Variants in RESF1 observed in about 807,000 individuals in gnomAD.
The protein encoded by RESF1 is gonad expressed transcript.
RESF1 carries 65 observed loss-of-function variants against 134.7 expected under a neutral mutation model. The observed-to-expected ratio is 0.48, with a 90% CI of 0.40 to 0.59. The LOEUF (loss-of-function observed/expected upper bound fraction) is 0.59, where lower values mean the gene tolerates loss of function less well. Ranked by LOEUF, RESF1 falls within the 20% of genes least tolerant of loss-of-function variation. The pLI is 0.00. For synonymous variants in RESF1, 762 were observed against 702.2 expected (o/e 1.09, Z -1.35); for missense variants, 2,274 against 2,002.7 (o/e 1.14, Z -2.59).
Position 31,981,878 on chromosome 12 carries a change from G to A in RESF1, c.923G>A (p.Ser308Asn). The A allele has an allele frequency of 2.5e-6, 4 of 1,614,122 alleles. No individual in the cohort carries two copies. Among genetic ancestry groups the A allele is most frequent in the Middle Eastern group, 1.6e-4 (1 of 6,062 alleles). Residue 308 changes from serine to asparagine, a missense_variant, in exon 4 of 6, where the codon AGT becomes AAT. Physicochemically the swap from Ser to Asn is conservative, Grantham distance 46. Coordinates refer to ENST00000312561, the MANE Select transcript of RESF1 (RefSeq NM_018169.4). ...CACTTGTCTATGGAAGTTCCTCAGA[G>A]TCGAGAAATGCTGTCATCTGAAATA... ...TKHLSMEVPQ[S>N]REMLSSEIRT...
chr12:31,985,574 TTGG>T lies in RESF1; in HGVS notation c.4623_4625del (p.Gly1542del). Reference sequence around the variant, plus strand: ...ATTCTAAGGAATGTTAAAGAAAAAGTTGGTGGGAAGCAGCCTGATAAAATATGG... The same window carrying T: ...ATTCTAAGGAATGTTAAAGAAAAAGTTGGGAAGCAGCCTGATAAAATATGG... On this transcript the variant is annotated inframe_deletion, in exon 4 of 6. Transcript: ENST00000312561. 1.3e-6 allele frequency: 2 copies of T among 1,598,460 alleles called. No individual in the cohort carries two copies. The highest frequency in any genetic ancestry group is 1.4e-5 in the African/African-American group (1 of 73,812).
chr12:31,966,963 G>T (rs1036159869), intron 2 of RESF1, among the ~76,000 whole-genome samples: 2 of 152,166 alleles, frequency 1.3e-5, no homozygotes, highest in Non-Finnish European at 2.9e-5. Flanking sequence ...TTAATCACAG[G>T]CTGACCCATA....
intron 2 of RESF1, among the ~76,000 whole-genome samples, chr12:31,966,694 G>T (rs1939403977): frequency 6.6e-6 from 1 of 152,214 alleles, no homozygotes; most frequent in Non-Finnish European, 1.5e-5. Flanking sequence ...ACTTGGCTCT[G>T]CATGGGGAAC....
At chr12:31,975,656 A>G (rs1159137496) in intron 3 of RESF1, among the ~76,000 whole-genome samples, 1 of 152,184 alleles carries the variant, frequency 6.6e-6, no homozygotes, top group Non-Finnish European at 1.5e-5. Context: ...CTATTCCATC[A>G]CACTTTGTAA....
Position 31,981,973 on chromosome 12 carries a change from T to C in RESF1, c.1018T>C (p.Leu340=), listed in dbSNP as rs1311049835. 5.0e-6 allele frequency: 8 copies of C among 1,614,182 alleles called. No individual in the cohort carries two copies. Among genetic ancestry groups the C allele is most frequent in the Non-Finnish European group, 5.9e-6 (7 of 1,180,024 alleles). ...CAGCACAATTGGAAATTTCACTAAC[T>C]TGAAAGTAAATACCAACAGCAAACA... ...NVSTIGNFTN[L]KVNTNSKQPF... is the part of the protein sequence containing the mutation. The change falls in exon 4 of 6, where the codon TTG becomes CTG. Residue 340 remains leucine (L), a synonymous_variant. Coordinates refer to ENST00000312561, the MANE Select transcript of RESF1 (RefSeq NM_018169.4).
chr12:31,989,111 A>G (rs1434361807), intron 5 of RESF1, among the ~76,000 whole-genome samples: 1 of 151,390 alleles, frequency 6.6e-6, no homozygotes, highest in Non-Finnish European at 1.5e-5. Context: ...ATGGGCAAAG[A>G]GGGGGCTGGG....
intron 3 of RESF1, among the ~76,000 whole-genome samples, chr12:31,980,212 A>G (rs1939746992): frequency 1.3e-5 from 2 of 149,452 alleles, no homozygotes; most frequent in African/African-American, 4.9e-5. Flanking sequence ...CCCAGGTTCA[A>G]GTGATTCTTG....
intron 5 of RESF1, among the ~76,000 whole-genome samples, chr12:31,990,730 C>T (rs913205007): frequency 1.3e-5 from 2 of 152,142 alleles, no homozygotes; most frequent in African/African-American, 2.4e-5. Context: ...TGAGCCACTG[C>T]GCCCGGCCAC....
rs184107287 is a variant in RESF1 at position 31,968,271 on chromosome 12, A to G, written c.-246-1918A>G. On this transcript the variant is annotated intron_variant, in intron 2 of 5. Coordinates refer to ENST00000312561, the MANE Select transcript of RESF1 (RefSeq NM_018169.4). ...ATTTAAAATACCAGAGCGAATTTAT[A>G]TATTTTAGGTATAAGAATAGTATTT... Among the ~76,000 whole-genome samples the G allele has an allele frequency of 1.5e-3, 222 of 152,318 alleles. 1 individual carries two copies. The highest frequency in any genetic ancestry group is 5.1e-3 in the African/African-American group (212 of 41,578).
At chr12:31,970,886 T>TA (rs35875995) in intron 3 of RESF1, among the ~76,000 whole-genome samples, 14,276 of 152,242 alleles carry the variant, frequency 0.094, 772 homozygotes, top group Non-Finnish European at 0.13. Context: ...TAATTTCATA[T>TA]AAAAGCCTTC....
Position 31,983,390 on chromosome 12 carries a change from C to G in RESF1, c.2435C>G (p.Ala812Gly). The change falls in exon 4 of 6, where the codon GCT becomes GGT. Residue 812 changes from alanine (A) to glycine (G), a missense_variant. Ala to Gly is a moderately conservative substitution (Grantham distance 60, BLOSUM62 0). Coordinates refer to ENST00000312561, the MANE Select transcript of RESF1 (RefSeq NM_018169.4). ...NQLAENAKAT[A>G]ALKVDVSGPV... ...TTGGCAGAAAATGCAAAGGCAACTG[C>G]TGCTTTGAAAGTTGATGTTAGTGGA... The G allele has an allele frequency of 6.2e-7, 1 of 1,614,052 alleles. No individual in the cohort carries two copies. The highest frequency in any genetic ancestry group is 8.5e-7 in the Non-Finnish European group (1 of 1,180,018).
At chr12:31,976,902 T>TTTA (rs1939647742) in intron 3 of RESF1, among the ~76,000 whole-genome samples, 1 of 152,176 alleles carries the variant, frequency 6.6e-6, no homozygotes, top group African/African-American at 2.4e-5. Flanking sequence ...TCAACTGTAG[T>TTTA]GTCTCATACA....
rs757463058 is a variant in RESF1 at position 31,982,730 on chromosome 12, G to T, written c.1775G>T (p.Arg592Leu). The change falls in exon 4 of 6, where the codon CGT becomes CTT. Residue 592 changes from arginine (R) to leucine (L), a missense_variant. Arg to Leu is a moderately radical substitution (Grantham distance 102). Transcript: ENST00000312561. ...CTTCTCGCTTTGCTTTCACAGGCAC[G>T]TAAGACTCAGAAGACAGTATTAAAA... ...MLLLALLSQA[R>L]KTQKTVLKDA... 4 of 1,613,824 alleles carry T rather than the reference G, an allele frequency of 2.5e-6. No homozygotes were observed. The South Asian group carries it at 3.3e-5, about 13-fold the overall frequency.
rs765845745 is a variant in RESF1, at chr12:31,981,896, C to G, written c.941C>G (p.Ser314Cys). Residue 314 changes from serine to cysteine, a missense_variant, in exon 4 of 6, where the codon TCT becomes TGT. Physicochemically the swap from Ser to Cys is moderately radical, Grantham distance 112. Coordinates refer to ENST00000312561, the MANE Select transcript of RESF1 (RefSeq NM_018169.4). ...CCTCAGAGTCGAGAAATGCTGTCATCTGAAATAAGGACCAGCTTTCAACAG... is the reference window on the plus strand; with the variant it reads ...CCTCAGAGTCGAGAAATGCTGTCATGTGAAATAAGGACCAGCTTTCAACAG... ...EVPQSREMLS[S>C]EIRTSFQQQW... 6 of 1,613,978 alleles carry G rather than the reference C, an allele frequency of 3.7e-6. No individual in the cohort carries two copies. Among genetic ancestry groups the G allele is most frequent in the South Asian group, 1.1e-5 (1 of 91,086 alleles).
rs79112616 is a variant in RESF1 at position 31,961,967 on chromosome 12, A to C, written c.-247+1096A>C. Reference sequence around the variant, plus strand: ...GCCAGGTGTGGTGGCTCACGCCTATAATGCCAGCACTTTAAGAGGCTGGGG... The same window carrying C: ...GCCAGGTGTGGTGGCTCACGCCTATCATGCCAGCACTTTAAGAGGCTGGGG... On this transcript the variant is annotated intron_variant, in intron 2 of 5. Coordinates refer to ENST00000312561, the MANE Select transcript of RESF1 (RefSeq NM_018169.4). 2.7e-3 allele frequency among the ~76,000 whole-genome samples: 415 copies of C among 152,302 alleles called. 4 individuals carry two copies. The highest frequency in any genetic ancestry group is 9.8e-3 in the African/African-American group (407 of 41,554).
chr12:31,988,913 CA>C (rs1157817650), intron 5 of RESF1, among the ~76,000 whole-genome samples: 1 of 151,724 alleles, frequency 6.6e-6, no homozygotes, highest in Non-Finnish European at 1.5e-5. Context: ...AGGCTGGTCT[CA>C]AACTCCTGAA....
At position 31,984,320 on chromosome 12, in the gene RESF1, A is replaced by T. The variant is rs1565486812; in HGVS notation, c.3365A>T (p.Asp1122Val). 1 of 1,613,882 alleles carries T rather than the reference A, an allele frequency of 6.2e-7. No individual in the cohort carries two copies. The highest frequency in any genetic ancestry group is 1.1e-5 in the South Asian group (1 of 91,058). ...EQMKEIFPEQ[D>V]DQPYVVDKLA... is the part of the protein sequence containing the mutation. Reference sequence around the variant, plus strand: ...ATGAAAGAAATATTTCCTGAACAGGATGATCAACCCTATGTAGTAGACAAG... The same window carrying T: ...ATGAAAGAAATATTTCCTGAACAGGTTGATCAACCCTATGTAGTAGACAAG... Residue 1122 changes from aspartate (D) to valine (V), a missense_variant, in exon 4 of 6, where the codon GAT becomes GTT. Asp to Val is a radical substitution (Grantham distance 152, BLOSUM62 -3). Transcript: ENST00000312561.
chr12:31,983,572 C>G lies in RESF1; in HGVS notation c.2617C>G (p.Gln873Glu). 1 of 1,613,908 alleles carries G rather than the reference C, an allele frequency of 6.2e-7. No individual in the cohort carries two copies. Among genetic ancestry groups the G allele is most frequent in the Non-Finnish European group, 8.5e-7 (1 of 1,179,814 alleles). ...ESAIHSPMND[Q>E]QISQESRNST... ...AGCTATCCATTCTCCTATGAACGAT[C>G]AGCAAATCTCACAGGAGTCAAGGAA... is the stretch of plus-strand genomic sequence containing the variant. The change falls in exon 4 of 6, where the codon CAG becomes GAG. Residue 873 changes from glutamine (Q) to glutamate (E), a missense_variant. Transcript: ENST00000312561.
At chr12:31,961,683 CTT>C (rs1390643538) in intron 2 of RESF1, among the ~76,000 whole-genome samples, 1 of 152,184 alleles carries the variant, frequency 6.6e-6, no homozygotes, top group Non-Finnish European at 1.5e-5. Context: ...CTTAGATTCT[CTT>C]TTTTGTAGGT....
Sources: gnomAD v4.1 joint callset for allele counts (sites outside exome capture counted in the v4.1 genomes callset) on GRCh38, gnomAD v4.1.1 for gene constraint, MANE v1.5 for transcripts, NCBI Gene and HGNC (gene_info 2026-07-23, HGNC 2026-07-21) for gene names.